Variants in ADAM12 observed in about 807,000 individuals in gnomAD.
ADAM12 encodes disintegrin and metalloproteinase domain-containing protein 12.
In ADAM12, 70 loss-of-function variants were observed where a neutral mutation model predicts 106.4. The ratio of observed to expected loss-of-function variants is 0.66; its 90% CI spans 0.54 to 0.80. The LOEUF is 0.80. ADAM12 is among the 30% of genes least tolerant of loss of function. The pLI is 0.00. For synonymous variants in ADAM12, 420 were observed against 433.5 expected (o/e 0.97, Z 0.39); for missense variants, 1,010 against 1,171.9 (o/e 0.86, Z 2.02).
At chr10:126,025,126 C>T (rs894086941) in intron 21 of ADAM12, among the ~76,000 whole-genome samples, 7 of 152,128 alleles carry the variant, frequency 4.6e-5, no homozygotes, top group African/African-American at 1.7e-4. Flanking sequence ...ACTCAAAAAG[C>T]CAGAGTGCCA....
At chr10:126,194,762 G>T (rs140141934) in intron 3 of ADAM12, among the ~76,000 whole-genome samples, 1 of 152,196 alleles carries the variant, frequency 6.6e-6, no homozygotes, top group Non-Finnish European at 1.5e-5. Context: ...CCCTGGTTCT[G>T]GGTCTGCAGT....
At chr10:126,234,028 G>T (rs1406622124) in intron 3 of ADAM12, among the ~76,000 whole-genome samples, 1 of 152,220 alleles carries the variant, frequency 6.6e-6, no homozygotes, top group Non-Finnish European at 1.5e-5. Context: ...GCATAAGCTG[G>T]CTGTAGCCGG....
intron 7 of ADAM12, 93 bp from the exon 8 acceptor site, chr10:126,108,757 T>C (rs914163756): frequency 1.4e-5 from 16 of 1,165,712 alleles, no homozygotes; most frequent in Middle Eastern, 3.9e-4. Flanking sequence ...CTTGGGATTT[T>C]ACAAACCACT....
At chr10:126,155,349 G>A (rs757793693) in intron 3 of ADAM12, 44 bp from the exon 4 acceptor site, 2 of 1,546,380 alleles carry the variant, frequency 1.3e-6, no homozygotes, top group East Asian at 2.2e-5. Context: ...GTGCAGAATT[G>A]CATTGATACA....
intron 2 of ADAM12, among the ~76,000 whole-genome samples, chr10:126,326,343 C>A (rs1854301898): frequency 6.6e-6 from 1 of 152,030 alleles, no homozygotes; most frequent in Admixed American, 6.6e-5. Context: ...AACCAGTATA[C>A]ATAGTAAGTC....
intron 22 of ADAM12, among the ~76,000 whole-genome samples, chr10:126,019,390 CTCTTTT>C (rs893925978): frequency 7.6e-6 from 1 of 131,988 alleles, no homozygotes; most frequent in African/African-American, 2.6e-5. Context: ...TTGGTAGCTC[CTCTTTT>C]TCTTTGTGTC....
At chr10:126,221,932 C>A (rs1270433092) in intron 3 of ADAM12, among the ~76,000 whole-genome samples, 1 of 152,176 alleles carries the variant, frequency 6.6e-6, no homozygotes, top group African/African-American at 2.4e-5. Flanking sequence ...CTGTCATAGA[C>A]CCTCAGAACC....
chr10:126,315,386 C>T (rs536569680), intron 2 of ADAM12, among the ~76,000 whole-genome samples: 2 of 152,312 alleles, frequency 1.3e-5, no homozygotes, highest in South Asian at 2.1e-4. Context: ...AGAACGTCTC[C>T]GTGTTCCTGT....
chr10:126,280,538 C>G (rs1959524511), intron 2 of ADAM12, among the ~76,000 whole-genome samples: 1 of 152,172 alleles, frequency 6.6e-6, no homozygotes, highest in African/African-American at 2.4e-5. Context: ...ATGGAATGTT[C>G]TATTGGACAG....
chr10:126,253,798 C>G (rs996202454), intron 3 of ADAM12, among the ~76,000 whole-genome samples: 1 of 152,006 alleles, frequency 6.6e-6, no homozygotes, highest in African/African-American at 2.4e-5. Context: ...GAATGAGATG[C>G]GGTTCTTGCC....
intron 5 of ADAM12, among the ~76,000 whole-genome samples, chr10:126,133,552 A>G (rs1278269231): frequency 1.3e-5 from 2 of 152,152 alleles, no homozygotes; most frequent in African/African-American, 4.8e-5. Context: ...TTCTGTGCAC[A>G]TTCCCTACAG....
chr10:126,175,387 T>G (rs1237237306), intron 3 of ADAM12, among the ~76,000 whole-genome samples: 2 of 152,108 alleles, frequency 1.3e-5, no homozygotes, highest in Non-Finnish European at 2.9e-5. Flanking sequence ...ACAATAACAA[T>G]TGCTCGGAAA....
intron 1 of ADAM12, among the ~76,000 whole-genome samples, chr10:126,377,795 G>T (rs1187745810): frequency 6.6e-6 from 1 of 152,212 alleles, no homozygotes; most frequent in Non-Finnish European, 1.5e-5. Flanking sequence ...ATCAGAAGTG[G>T]AAAAGGATTC....
chr10:126,231,833 G>A (rs1958318130), intron 3 of ADAM12, among the ~76,000 whole-genome samples: 1 of 152,138 alleles, frequency 6.6e-6, no homozygotes, highest in Non-Finnish European at 1.5e-5. Flanking sequence ...GAACGGGATT[G>A]GTCCTTGACC....
intron 21 of ADAM12, among the ~76,000 whole-genome samples, chr10:126,034,334 A>G (rs1011275366): frequency 1.3e-5 from 2 of 152,226 alleles, no homozygotes; most frequent in East Asian, 1.9e-4. Context: ...TCTACAATGC[A>G]TAGGAAAACC....
At chr10:126,331,532 T>G (rs192677994) in intron 1 of ADAM12, among the ~76,000 whole-genome samples, 1 of 152,320 alleles carries the variant, frequency 6.6e-6, no homozygotes, top group East Asian at 1.9e-4. Context: ...TGCAGTTATA[T>G]TCAGGTTACC....
chr10:126,138,275 T>C (rs1956442980), intron 4 of ADAM12, among the ~76,000 whole-genome samples: 1 of 152,160 alleles, frequency 6.6e-6, no homozygotes, highest in South Asian at 2.1e-4. Flanking sequence ...GTTAGAAGAG[T>C]TCTTCACATA....
At chr10:126,152,729 C>T (rs1413333980) in intron 4 of ADAM12, among the ~76,000 whole-genome samples, 1 of 151,962 alleles carries the variant, frequency 6.6e-6, no homozygotes, top group African/African-American at 2.4e-5. Flanking sequence ...TTCATTTTTA[C>T]AAAGAGATTC....
intron 1 of ADAM12, among the ~76,000 whole-genome samples, chr10:126,384,708 C>G (rs1323030570): frequency 6.6e-6 from 1 of 152,080 alleles, no homozygotes; most frequent in East Asian, 1.9e-4. Flanking sequence ...TGGGAAAAAC[C>G]AAAAACCAAG....
Sources: gnomAD v4.1 joint callset for allele counts (sites outside exome capture counted in the v4.1 genomes callset) on GRCh38, gnomAD v4.1.1 for gene constraint, MANE v1.5 for transcripts, NCBI Gene and HGNC (gene_info 2026-07-23, HGNC 2026-07-21) for gene names.